FAM81A: variants seen among roughly 807,000 people sequenced by gnomAD.
The protein encoded by FAM81A is protein FAM81A.
Under a neutral mutation model 46.7 loss-of-function variants are expected in FAM81A, and 19 were observed. The observed-to-expected ratio is 0.41, with a 90% confidence interval of 0.28 to 0.60. FAM81A has a LOEUF of 0.60. Among genes scored for constraint, FAM81A ranks in the 20% least tolerant of loss-of-function variants. FAM81A has a pLI of 0.34. For synonymous variants in FAM81A, 183 were observed against 152.9 expected, an observed-to-expected ratio of 1.20 and a Z score of -1.45; for missense variants, 377 against 453.5, an observed-to-expected ratio of 0.83 and a Z score of 1.53.
chr15:59,478,227 C>A (rs550918826), intron 3 of FAM81A, among the ~76,000 whole-genome samples: 7 of 152,288 alleles, frequency 4.6e-5, no homozygotes, highest in African/African-American at 1.7e-4. Context: ...ATCTGCGGAC[C>A]TACTTTAGTT....
intron 2 of FAM81A, among the ~76,000 whole-genome samples, chr15:59,430,273 T>G (rs2081214108): frequency 8.2e-6 from 1 of 121,850 alleles, no homozygotes. Flanking sequence ...TTTTTTTTTT[T>G]TTTTTTTTTG....
intron 2 of FAM81A, among the ~76,000 whole-genome samples, chr15:59,431,687 C>T (rs1455294768): frequency 1.3e-5 from 2 of 152,294 alleles, no homozygotes; most frequent in East Asian, 1.9e-4. Context: ...GTACATCTTC[C>T]CCAAGGAAAG....
intron 3 of FAM81A, among the ~76,000 whole-genome samples, chr15:59,480,536 A>T (rs1489204376): frequency 6.6e-6 from 1 of 152,176 alleles, no homozygotes; most frequent in African/African-American, 2.4e-5. Context: ...GACTTGGGAC[A>T]TCACTTTTTC....
intron 3 of FAM81A, among the ~76,000 whole-genome samples, chr15:59,476,601 C>CTAAA (rs2081772145): frequency 1.3e-5 from 2 of 152,132 alleles, no homozygotes; most frequent in African/African-American, 4.8e-5. Flanking sequence ...GCCTGGCCAA[C>CTAAA]ATGATGAAAC....
At chr15:59,482,838 C>T (rs1465259352) in intron 3 of FAM81A, among the ~76,000 whole-genome samples, 1 of 152,196 alleles carries the variant, frequency 6.6e-6, no homozygotes, top group Non-Finnish European at 1.5e-5. Context: ...TTGCCAGCGC[C>T]TTCTCATCAG....
chr15:59,454,676 A>G (rs1205579844), intron 1 of FAM81A, among the ~76,000 whole-genome samples: 1 of 152,016 alleles, frequency 6.6e-6, no homozygotes, highest in Admixed American at 6.6e-5. Flanking sequence ...CCCAGGCTAG[A>G]GTGCAGTGGT....
intron 3 of FAM81A, among the ~76,000 whole-genome samples, chr15:59,472,573 T>C (rs63459460): frequency 7.8e-6 from 1 of 127,496 alleles, no homozygotes; most frequent in Non-Finnish European, 1.7e-5. Flanking sequence ...TTTTTTTTTT[T>C]AAATGTTTTC....
intron 4 of FAM81A, among the ~76,000 whole-genome samples, chr15:59,502,832 G>C (rs111733118): frequency 3.3e-5 from 5 of 152,068 alleles, no homozygotes; most frequent in Admixed American, 1.3e-4. Flanking sequence ...GTTTTCTAAT[G>C]GGAGTCTTTG....
At chr15:59,498,119 G>A (rs538582379) in intron 4 of FAM81A, among the ~76,000 whole-genome samples, 1 of 152,216 alleles carries the variant, frequency 6.6e-6, no homozygotes, top group African/African-American at 2.4e-5. Context: ...CAAAGTGTTG[G>A]GATTACAGGT....
intron 1 of FAM81A, among the ~76,000 whole-genome samples, chr15:59,442,765 C>T (rs1240832692): frequency 6.6e-6 from 1 of 152,094 alleles, no homozygotes; most frequent in Non-Finnish European, 1.5e-5. Context: ...CCTATTCTCT[C>T]ATTCTCTCTC....
At chr15:59,473,189 T>G (rs1242704057) in intron 3 of FAM81A, among the ~76,000 whole-genome samples, 1 of 152,184 alleles carries the variant, frequency 6.6e-6, no homozygotes, top group Non-Finnish European at 1.5e-5. Context: ...GGCTTCACTC[T>G]CCGCAATTTC....
At chr15:59,438,965 A>T (rs1408056048) in intron 1 of FAM81A, 1 of 152,226 alleles carries the variant, frequency 6.6e-6, no homozygotes, top group Non-Finnish European at 1.5e-5. Context: ...ATCAGGATTA[A>T]TGCTCCTAAG....
intron 3 of FAM81A, among the ~76,000 whole-genome samples, chr15:59,466,196 T>C (rs533061114): frequency 6.6e-6 from 1 of 152,358 alleles, no homozygotes; most frequent in South Asian, 2.1e-4. Flanking sequence ...AGTAGTATGA[T>C]TTGCAATCCT....
At chr15:59,432,827 T>C (rs552464833) in intron 2 of FAM81A, among the ~76,000 whole-genome samples, 2 of 152,170 alleles carry the variant, frequency 1.3e-5, no homozygotes, top group Admixed American at 6.5e-5. Flanking sequence ...AGATAAATAG[T>C]ATTTTAATGC....
chr15:59,480,306 G>A (rs1158751975), intron 3 of FAM81A, among the ~76,000 whole-genome samples: 2 of 152,168 alleles, frequency 1.3e-5, no homozygotes, highest in Non-Finnish European at 2.9e-5. Flanking sequence ...AATCTAGGAA[G>A]AGTTGGAGAA....
At chr15:59,479,294 C>T (rs146059398) in intron 3 of FAM81A, among the ~76,000 whole-genome samples, 51 of 152,048 alleles carry the variant, frequency 3.4e-4, no homozygotes, top group Non-Finnish European at 5.4e-4. Flanking sequence ...GTGCAGATCA[C>T]GAGGTCAGGA....
At chr15:59,426,201 C>G (rs2081193760) in intron 2 of FAM81A, among the ~76,000 whole-genome samples, 1 of 151,972 alleles carries the variant, frequency 6.6e-6, no homozygotes, top group Non-Finnish European at 1.5e-5. Flanking sequence ...GGCAGTAAGA[C>G]TCTTAAAGAA....
chr15:59,409,712 T>TAATAATAATAATAACATTTATTATATA (rs1261716714), intron 2 of FAM81A, among the ~76,000 whole-genome samples: 3 of 152,204 alleles, frequency 2.0e-5, no homozygotes, highest in Admixed American at 1.3e-4. Flanking sequence ...ATAATAATAA[T>TAATAATAATAATAACATTTATTATATA]AGCTAACATT....
chr15:59,407,482 A>G (rs1209001038), intron 2 of FAM81A, among the ~76,000 whole-genome samples: 2 of 151,718 alleles, frequency 1.3e-5, no homozygotes, highest in Admixed American at 1.3e-4. Context: ...TTTTTAGTAG[A>G]GACGGGGTTT....
Sources: gnomAD v4.1 joint callset for allele counts (sites outside exome capture counted in the v4.1 genomes callset) on GRCh38, gnomAD v4.1.1 for gene constraint, MANE v1.5 for transcripts, NCBI Gene and HGNC (gene_info 2026-07-23, HGNC 2026-07-21) for gene names.